Variants in UBE4B observed in about 807,000 individuals in gnomAD.
UBE4B encodes ubiquitin conjugation factor E4 B.
A neutral mutation model predicts 148.1 loss-of-function variants in UBE4B; 27 were observed. That is an observed-to-expected ratio of 0.18 (90% CI 0.13 to 0.25). The LOEUF (loss-of-function observed/expected upper bound fraction) is 0.25, where lower values mean the gene tolerates loss of function less well. Among genes scored for constraint, UBE4B ranks in the 10% least tolerant of loss-of-function variants. UBE4B has a pLI of 1.00. For missense variants in UBE4B, 1,170 were observed against 1,662.4 expected, an observed-to-expected ratio of 0.70 and a Z score of 5.15; for synonymous variants, 596 against 619.3, an observed-to-expected ratio of 0.96 and a Z score of 0.56.
In UBE4B at chr1:10,180,385, C is replaced by T. The variant is rs549144161; in HGVS notation, c.*429C>T. On this transcript the variant is annotated 3_prime_UTR_variant, in exon 28 of 28. Coordinates refer to ENST00000343090, the MANE Select transcript of UBE4B (RefSeq NM_001105562.3). ...TAAAGAATCTTTTTTCCCCTCTCCC[C>T]CTTCCTGACCCTACTTGCACTGCTG... 6.2e-6 allele frequency: 1 copy of T among 160,794 alleles called. No homozygotes were observed. The highest frequency in any genetic ancestry group is 6.3e-5 in the Admixed American group (1 of 15,768). The allele number at this position is 160,794 out of a possible 1,614,324, so 10.0% of individuals were successfully genotyped here.
Position 10,068,305 on chromosome 1 carries a change from C to T in UBE4B, c.25-3723C>T, listed in dbSNP as rs539231541. 1.5e-4 allele frequency among the ~76,000 whole-genome samples: 23 copies of T among 151,906 alleles called. No homozygotes were observed. The East Asian group carries it at 1.7e-3, about 11-fold the overall frequency. On this transcript the variant is annotated intron_variant, in intron 1 of 27. Transcript: ENST00000343090. ...TTGGCCTCCCAAAATGCTGGGATTA[C>T]GAGCATGAGCCACTGCACCTGGCAC...
chr1:10,070,194 AACC>A (rs1644460700), intron 1 of UBE4B, among the ~76,000 whole-genome samples: 1 of 151,814 alleles, frequency 6.6e-6, no homozygotes, highest in Non-Finnish European at 1.5e-5. Context: ...GAATCGCATG[AACC>A]TGGGAGGGGG....
At chr1:10,133,972 C>A (rs1163508681) in intron 15 of UBE4B, among the ~76,000 whole-genome samples, 2 of 151,764 alleles carry the variant, frequency 1.3e-5, no homozygotes, top group East Asian at 3.9e-4. Flanking sequence ...ATCACTTAAG[C>A]CCGGGAGGTT....
At chr1:10,164,718 C>G (rs1646220775) in intron 23 of UBE4B, among the ~76,000 whole-genome samples, 1 of 152,174 alleles carries the variant, frequency 6.6e-6, no homozygotes, top group South Asian at 2.1e-4. Flanking sequence ...TTCTACCTCC[C>G]ACTGCCCTGG....
chr1:10,039,381 G>A (rs1643671323), intron 1 of UBE4B, among the ~76,000 whole-genome samples: 1 of 152,082 alleles, frequency 6.6e-6, no homozygotes, highest in African/African-American at 2.4e-5. Flanking sequence ...TGTGTGGCAG[G>A]TACCTGATCT....
intron 7 of UBE4B, 49 bp from the exon 8 acceptor site, chr1:10,117,410 A>G: frequency 1.2e-6 from 2 of 1,606,312 alleles, no homozygotes; most frequent in Non-Finnish European, 1.7e-6. Flanking sequence ...AACTCTGCCA[A>G]AAATAATCAA....
In UBE4B at chr1:10,106,682, A is replaced by C. The variant is rs1450675580; in HGVS notation, c.1196+99A>C. 2.1e-6 allele frequency: 3 copies of C among 1,426,582 alleles called. No homozygotes were observed. The highest frequency in any genetic ancestry group is 2.8e-6 in the Non-Finnish European group (3 of 1,090,102). 88.4% of individuals were successfully genotyped at this position (1,426,582 alleles called of 1,614,324 possible). On this transcript the variant is annotated intron_variant, in intron 7 of 27. Coordinates refer to ENST00000343090, the MANE Select transcript of UBE4B (RefSeq NM_001105562.3). The surrounding 1 kb of genome is among the most constrained non-coding windows in gnomAD (Gnocchi z 4.2). ...TGCTGTGTGACACTGACTCTGTTAA[A>C]TTGTTGTTTTGGGTTATTAACCTGT... is the stretch of plus-strand genomic sequence containing the variant.
rs1030400604 is a variant in UBE4B at position 10,088,518 on chromosome 1, G to A, written c.212-6943G>A. Reference sequence around the variant, plus strand: ...AGCCTCCTGAGTAGCTGGGATCACAGGTGCCCGCCACCATGCCCAGCTAAT... The same window carrying A: ...AGCCTCCTGAGTAGCTGGGATCACAAGTGCCCGCCACCATGCCCAGCTAAT... On this transcript the variant is annotated intron_variant, in intron 2 of 27. Coordinates refer to ENST00000343090, the MANE Select transcript of UBE4B (RefSeq NM_001105562.3). 1.6e-4 allele frequency among the ~76,000 whole-genome samples: 24 copies of A among 151,996 alleles called. 1 individual carries two copies. Among genetic ancestry groups the A allele is most frequent in the Admixed American group, 1.4e-3 (21 of 15,274 alleles).
intron 3 of UBE4B, chr1:10,100,822 G>A (rs1644998919): frequency 3.5e-6 from 1 of 285,302 alleles, no homozygotes; most frequent in Admixed American, 5.0e-5. Context: ...CCAAAGTGCT[G>A]GGATTACAGG....
At chr1:10,170,439 G>A (rs1646322434) in intron 24 of UBE4B, among the ~76,000 whole-genome samples, 1 of 152,128 alleles carries the variant, frequency 6.6e-6, no homozygotes, top group African/African-American at 2.4e-5. Context: ...TCCCTTTTAT[G>A]GCCAGTGTTT....
intron 2 of UBE4B, 81 bp downstream of exon 2, chr1:10,072,295 A>G: frequency 1.3e-6 from 2 of 1,490,938 alleles, no homozygotes. Flanking sequence ...ATGTTTCCAG[A>G]ACAGATTAAA....
At chr1:10,076,247 C>CTTTTTTTTTTTT (rs369214323) in intron 2 of UBE4B, among the ~76,000 whole-genome samples, 4 of 131,652 alleles carry the variant, frequency 3.0e-5, no homozygotes, top group Non-Finnish European at 4.9e-5. Context: ...TTCTTTCTTT[C>CTTTTTTTTTTTT]TTTTTTTTTT....
chr1:10,111,244 A>G (rs952427717), intron 7 of UBE4B, among the ~76,000 whole-genome samples: 1 of 151,254 alleles, frequency 6.6e-6, no homozygotes, highest in Middle Eastern at 3.2e-3. Flanking sequence ...CTACACACAC[A>G]CCCCCACACC....
At chr1:10,077,529 C>T (rs2101841660) in intron 2 of UBE4B, among the ~76,000 whole-genome samples, 1 of 152,360 alleles carries the variant, frequency 6.6e-6, no homozygotes, top group East Asian at 1.9e-4. Flanking sequence ...TGCTCATCCC[C>T]TTACCCCCAG....
intron 25 of UBE4B, among the ~76,000 whole-genome samples, chr1:10,175,384 G>A (rs1208615035): frequency 3.9e-5 from 6 of 152,148 alleles, no homozygotes; most frequent in Non-Finnish European, 7.3e-5. Context: ...GGGTGCAGTG[G>A]CTCACGCCTG....
intron 5 of UBE4B, among the ~76,000 whole-genome samples, chr1:10,103,632 G>GTTTT (rs1186811301): frequency 9.4e-6 from 1 of 106,510 alleles, no homozygotes; most frequent in Non-Finnish European, 2.0e-5. Flanking sequence ...TTTTGTTTTT[G>GTTTT]TTTTTTTTTT....
chr1:10,133,472 GTAT>G (rs1046698490), intron 15 of UBE4B, among the ~76,000 whole-genome samples: 4 of 152,264 alleles, frequency 2.6e-5, no homozygotes, highest in South Asian at 2.1e-4. Flanking sequence ...TATCATTGTT[GTAT>G]TATTATTTTT....
At chr1:10,082,306 C>T (rs1019245317) in intron 2 of UBE4B, among the ~76,000 whole-genome samples, 1 of 151,866 alleles carries the variant, frequency 6.6e-6, no homozygotes, top group African/African-American at 2.4e-5. Context: ...TAAGACTAGC[C>T]TGGACAACAT....
chr1:10,164,559 C>T lies in UBE4B; in HGVS notation c.3198+3273C>T, dbSNP rs565108618. Among the ~76,000 whole-genome samples the T allele has an allele frequency of 8.5e-5, 13 of 152,246 alleles. No individual in the cohort carries two copies. In the East Asian group the frequency reaches 2.1e-3, roughly 25 times the overall value. On this transcript the variant is annotated intron_variant, in intron 23 of 27. Transcript: ENST00000343090. ...GGAATGCAGGTCTATAGCACATTCT[C>T]GTATTCATAGTCAGTACTTAATAGC... is the stretch of plus-strand genomic sequence containing the variant.
Sources: gnomAD v4.1 joint callset for allele counts (sites outside exome capture counted in the v4.1 genomes callset) on GRCh38, gnomAD v4.1.1 for gene constraint, Gnocchi (gnomAD v3.1) non-coding constraint, MANE v1.5 for transcripts, NCBI Gene and HGNC (gene_info 2026-07-23, HGNC 2026-07-21) for gene names.